PLEKHA5: variants seen among roughly 807,000 people sequenced by gnomAD.
PLEKHA5 encodes the protein pleckstrin homology domain containing A5.
Under a neutral mutation model 181.9 loss-of-function variants are expected in PLEKHA5, and 55 were observed. That is an observed-to-expected ratio of 0.30 (90% CI 0.24 to 0.38). The LOEUF is 0.38. PLEKHA5 is among the 10% of genes least tolerant of loss of function. PLEKHA5 has a pLI of 1.00. For missense variants in PLEKHA5, 1,432 were observed against 1,549.5 expected (o/e 0.92, Z 1.27); for synonymous variants, 535 against 529.4 (o/e 1.01, Z -0.15).
At chr12:19,297,519 G>A (rs915558961) in intron 15 of PLEKHA5, among the ~76,000 whole-genome samples, 3 of 150,726 alleles carry the variant, frequency 2.0e-5, no homozygotes, top group Non-Finnish European at 3.0e-5. Context: ...CTACTGGGGA[G>A]GCTGAGGCAG....
At chr12:19,161,480 A>C (rs1201786698) in intron 3 of PLEKHA5, among the ~76,000 whole-genome samples, 3 of 152,118 alleles carry the variant, frequency 2.0e-5, no homozygotes, top group Non-Finnish European at 4.4e-5. Flanking sequence ...TGCTTATTAA[A>C]ACGCACAATC....
chr12:19,249,428 GAT>G (rs955791393), intron 3 of PLEKHA5, among the ~76,000 whole-genome samples: 1 of 151,982 alleles, frequency 6.6e-6, no homozygotes, highest in African/African-American at 2.4e-5. Context: ...TCATAGATGG[GAT>G]GGAGCAGGAT....
chr12:19,359,043 G>C (rs980317426), intron 27 of PLEKHA5, among the ~76,000 whole-genome samples: 1 of 152,148 alleles, frequency 6.6e-6, no homozygotes, highest in Admixed American at 6.6e-5. Context: ...CCTAGCAATA[G>C]TATCTTAAAA....
At chr12:19,265,479 A>G (rs1169967713) in intron 7 of PLEKHA5, among the ~76,000 whole-genome samples, 3 of 152,192 alleles carry the variant, frequency 2.0e-5, no homozygotes, top group Admixed American at 6.5e-5. Flanking sequence ...ATCCTATCAG[A>G]GATGTGGGTG....
At chr12:19,361,103 A>G (rs968147439) in intron 28 of PLEKHA5, among the ~76,000 whole-genome samples, 2 of 152,098 alleles carry the variant, frequency 1.3e-5, no homozygotes, top group Admixed American at 1.3e-4. Context: ...GTAGTAAAGA[A>G]TGTTAATATT....
Position 19,274,746 on chromosome 12 carries a change from A to G in PLEKHA5, c.1076A>G (p.Tyr359Cys). 1 of 1,614,142 alleles carries G rather than the reference A, an allele frequency of 6.2e-7. No individual in the cohort carries two copies. Among genetic ancestry groups the G allele is most frequent in the Non-Finnish European group, 8.5e-7 (1 of 1,179,958 alleles). The change falls in exon 11 of 32, where the codon TAT becomes TGT. Residue 359 changes from tyrosine to cysteine, a missense_variant. Transcript: ENST00000429027. Reference protein sequence around the residue: ...SVKLNSLPSEYESGSACPAQT... With the variant: ...SVKLNSLPSECESGSACPAQT... ...AAGCTGAATTCTCTGCCATCTGAAT[A>G]TGAGAGTGGGTCAGCATGCCCTGCT...
chr12:19,248,361 C>T (rs1368466826), intron 3 of PLEKHA5, among the ~76,000 whole-genome samples: 1 of 152,092 alleles, frequency 6.6e-6, no homozygotes, highest in Non-Finnish European at 1.5e-5. Flanking sequence ...CTATGCCTGG[C>T]TAATTTCTGT....
chr12:19,194,970 A>G (rs916825652), intron 3 of PLEKHA5, among the ~76,000 whole-genome samples: 5 of 152,212 alleles, frequency 3.3e-5, no homozygotes, highest in Admixed American at 2.0e-4. Context: ...ATTTCAAAAC[A>G]TAAAATAGCT....
rs543771273 is a variant in PLEKHA5 at position 19,244,836 on chromosome 12, C to T, written c.228-9104C>T. On this transcript the variant is annotated intron_variant, in intron 3 of 31. Transcript: ENST00000429027. Reference sequence around the variant, plus strand: ...CTTTGCCTGACTGTAATGGATCACTCAGAAGAATAGTATTGGCTGTTATTG... The same window carrying T: ...CTTTGCCTGACTGTAATGGATCACTTAGAAGAATAGTATTGGCTGTTATTG... Among the ~76,000 whole-genome samples, 3 of 152,258 alleles carry T rather than the reference C, an allele frequency of 2.0e-5. No individual in the cohort carries two copies. In the East Asian group the frequency reaches 5.8e-4, roughly 29 times the overall value.
At chr12:19,350,229 T>G (rs1219124284) in intron 25 of PLEKHA5, among the ~76,000 whole-genome samples, 1 of 152,220 alleles carries the variant, frequency 6.6e-6, no homozygotes, top group Non-Finnish European at 1.5e-5. Flanking sequence ...TTCTAGATAT[T>G]AGCTAACAGT....
At chr12:19,215,912 A>G (rs2057879965) in intron 3 of PLEKHA5, among the ~76,000 whole-genome samples, 1 of 152,218 alleles carries the variant, frequency 6.6e-6, no homozygotes, top group South Asian at 2.1e-4. Flanking sequence ...GTTGGGTATG[A>G]ATTACATTTA....
intron 20 of PLEKHA5, among the ~76,000 whole-genome samples, chr12:19,335,127 C>G (rs2093317876): frequency 6.9e-6 from 1 of 145,286 alleles, no homozygotes; most frequent in Non-Finnish European, 1.5e-5. Context: ...CCTCTGGGCT[C>G]AAGCAATCCT....
chr12:19,222,680 G>A (rs1214874303), intron 3 of PLEKHA5, among the ~76,000 whole-genome samples: 1 of 152,124 alleles, frequency 6.6e-6, no homozygotes, highest in Non-Finnish European at 1.5e-5. Flanking sequence ...TTTTTGAAAT[G>A]TCAGCACATC....
At chr12:19,341,060 G>A (rs2093888450) in intron 21 of PLEKHA5, among the ~76,000 whole-genome samples, 2 of 152,116 alleles carry the variant, frequency 1.3e-5, no homozygotes, top group African/African-American at 2.4e-5. Context: ...TCACTTGAGG[G>A]TCAGGAGTTC....
Position 19,290,716 on chromosome 12 carries a change from C to T in PLEKHA5, c.1903C>T (p.Gln635Ter). ...GCTGCTGCTAATAAAGCTGAGACGG[C>T]AGCAAGCCGAACTGAGTAGTATCCG... ...LTLLLIKLRR[Q>*]QAELSSIREH... is the part of the protein sequence containing the mutation. The change falls in exon 14 of 32, where the codon CAG (glutamine) becomes TAG (stop). Residue 635 changes from glutamine to a stop codon, truncating the protein, a stop_gained. Transcript: ENST00000429027. LOFTEE classifies it high-confidence loss of function. The T allele has an allele frequency of 1.3e-6, 2 of 1,534,958 alleles. No individual in the cohort carries two copies. Among genetic ancestry groups the T allele is most frequent in the Non-Finnish European group, 1.7e-6 (2 of 1,145,930 alleles).
At chr12:19,272,218 C>T (rs909824889) in intron 10 of PLEKHA5, among the ~76,000 whole-genome samples, 1 of 151,986 alleles carries the variant, frequency 6.6e-6, no homozygotes. Flanking sequence ...CATCTCTAAG[C>T]CCATTATTTT....
intron 3 of PLEKHA5, chr12:19,153,245 T>A (rs758561718): frequency 5.3e-5 from 8 of 152,148 alleles, no homozygotes; most frequent in Non-Finnish European, 1.2e-4. Context: ...ACTTTTATTA[T>A]GAGTTTAAGT....
At chr12:19,298,175 G>A (rs1262885344) in intron 15 of PLEKHA5, among the ~76,000 whole-genome samples, 5 of 152,044 alleles carry the variant, frequency 3.3e-5, no homozygotes, top group African/African-American at 4.8e-5. Context: ...CTCCAGCCTA[G>A]GCAACAGAGG....
At chr12:19,360,636 A>G (rs1473203320) in intron 28 of PLEKHA5, among the ~76,000 whole-genome samples, 2 of 152,126 alleles carry the variant, frequency 1.3e-5, no homozygotes, top group African/African-American at 2.4e-5. Flanking sequence ...AGAAAAAAAG[A>G]AAAATTAAAA....
Sources: gnomAD v4.1 joint callset for allele counts (sites outside exome capture counted in the v4.1 genomes callset) on GRCh38, gnomAD v4.1.1 for gene constraint, MANE v1.5 for transcripts, NCBI Gene and HGNC (gene_info 2026-07-23, HGNC 2026-07-21) for gene names.